CSMD1: variants seen among roughly 807,000 people sequenced by gnomAD.
The protein encoded by CSMD1 is CUB and sushi domain-containing protein 1.
CSMD1 carries 213 observed loss-of-function variants against 417.5 expected under a neutral mutation model. The observed-to-expected ratio is 0.51, with a 90% confidence interval of 0.46 to 0.57. The LOEUF is 0.57. CSMD1 is among the 20% of genes least tolerant of loss of function. The pLI is 0.00. For missense variants in CSMD1, 6,923 were observed against 4,529.7 expected (o/e 1.53, Z -15.17); for synonymous variants, 2,862 against 1,736.8 (o/e 1.65, Z -16.11).
At chr8:4,615,374 C>A (rs948926787) in intron 2 of CSMD1, among the ~76,000 whole-genome samples, 1 of 152,162 alleles carries the variant, frequency 6.6e-6, no homozygotes, top group African/African-American at 2.4e-5. Flanking sequence ...TTCTTCTTAT[C>A]TTAACATATG....
At chr8:4,375,610 A>G (rs1802683831) in intron 3 of CSMD1, among the ~76,000 whole-genome samples, 1 of 152,128 alleles carries the variant, frequency 6.6e-6, no homozygotes, top group African/African-American at 2.4e-5. Flanking sequence ...CTCACTGGCT[A>G]ACAGCCACGT....
At chr8:3,202,697 G>A (rs1229799513) in intron 31 of CSMD1, among the ~76,000 whole-genome samples, 3 of 152,110 alleles carry the variant, frequency 2.0e-5, no homozygotes, top group Non-Finnish European at 4.4e-5. Flanking sequence ...GAATTCCAAC[G>A]GAAACAATTA....
intron 5 of CSMD1, among the ~76,000 whole-genome samples, chr8:3,955,527 A>C (rs2129924820): frequency 6.6e-6 from 1 of 152,294 alleles, no homozygotes; most frequent in Non-Finnish European, 1.5e-5. Context: ...ACCTCTAATA[A>C]GTCAGTAGAG....
At chr8:3,810,907 G>C (rs1255775531) in intron 5 of CSMD1, among the ~76,000 whole-genome samples, 1 of 152,120 alleles carries the variant, frequency 6.6e-6, no homozygotes, top group Non-Finnish European at 1.5e-5. Context: ...GTTGAGAAAA[G>C]TGCTTCCTCA....
At chr8:4,811,032 G>A (rs1798868731) in intron 1 of CSMD1, among the ~76,000 whole-genome samples, 1 of 152,098 alleles carries the variant, frequency 6.6e-6, no homozygotes. Flanking sequence ...CAGTGAAATG[G>A]GCATCACACT....
At chr8:3,553,603 G>A (rs1799013557) in intron 10 of CSMD1, among the ~76,000 whole-genome samples, 1 of 152,266 alleles carries the variant, frequency 6.6e-6, no homozygotes, top group South Asian at 2.1e-4. Context: ...CCATAACTGT[G>A]ATGTCCCTCC....
At chr8:3,179,191 C>T (rs905677960) in intron 37 of CSMD1, among the ~76,000 whole-genome samples, 53 of 151,934 alleles carry the variant, frequency 3.5e-4, no homozygotes, top group South Asian at 1.5e-3. Flanking sequence ...GTGATCTGCC[C>T]GCCTTGGCCT....
At chr8:4,493,070 TA>T (rs1303957729) in intron 2 of CSMD1, among the ~76,000 whole-genome samples, 2 of 152,204 alleles carry the variant, frequency 1.3e-5, no homozygotes, top group Non-Finnish European at 2.9e-5. Flanking sequence ...CTGAGGTTAA[TA>T]CATTTGCTTA....
chr8:4,337,141 C>T lies in CSMD1; in HGVS notation c.415+82812G>A, dbSNP rs76352350. ...GAAGCATTTAAGTGGGATCTTCTGC[C>T]CCCACCTTCATTACTACTCTATCTA... is the stretch of plus-strand genomic sequence containing the variant. On this transcript the variant is annotated intron_variant, in intron 3 of 69. Coordinates refer to ENST00000635120, the MANE Select transcript of CSMD1 (RefSeq NM_033225.6). Among the ~76,000 whole-genome samples, 315 of 152,154 alleles carry T rather than the reference C, an allele frequency of 2.1e-3. 1 individual carries two copies. Among genetic ancestry groups the T allele is most frequent in the African/African-American group, 7.2e-3 (301 of 41,540 alleles).
chr8:3,398,077 G>T (rs527299691), intron 16 of CSMD1, among the ~76,000 whole-genome samples: 10 of 152,258 alleles, frequency 6.6e-5, no homozygotes, highest in African/African-American at 2.4e-4. Context: ...ATGAGATTGG[G>T]AAAAATCAAG....
chr8:3,307,685 A>AAAC lies in CSMD1; in HGVS notation c.3950+7_3950+9dup, dbSNP rs1490246610. 1.6e-5 allele frequency: 26 copies of AAAC among 1,611,264 alleles called. No individual in the cohort carries two copies. The highest frequency in any genetic ancestry group is 2.1e-5 in the Non-Finnish European group (25 of 1,178,734). On this transcript the variant is annotated intron_variant, in intron 25 of 69. Transcript: ENST00000635120. Reference sequence around the variant, plus strand: ...TTCTCAAATCACTGAAACCAAAATAAAACAAGTACCTAATGGTCTTTCCTG... The same window carrying AAAC: ...TTCTCAAATCACTGAAACCAAAATAAAACAACAAGTACCTAATGGTCTTTCCTG...
At chr8:3,956,167 AG>A (rs149842839) in intron 5 of CSMD1, among the ~76,000 whole-genome samples, 17,052 of 152,212 alleles carry the variant, frequency 0.11, 1,035 homozygotes, top group Middle Eastern at 0.18. Flanking sequence ...AGATGCAAAA[AG>A]GTTGTACAAT....
At chr8:3,533,165 C>A (rs1295283233) in intron 10 of CSMD1, among the ~76,000 whole-genome samples, 1 of 152,166 alleles carries the variant, frequency 6.6e-6, no homozygotes, top group Non-Finnish European at 1.5e-5. Context: ...AGATCAAATT[C>A]TGTGCCAAAA....
intron 3 of CSMD1, among the ~76,000 whole-genome samples, chr8:4,129,507 C>A (rs1056001442): frequency 2.0e-5 from 3 of 152,140 alleles, no homozygotes; most frequent in Non-Finnish European, 4.4e-5. Flanking sequence ...GAGTAAATGA[C>A]ATTTTGCCAG....
At chr8:4,529,041 G>A (rs973002205) in intron 2 of CSMD1, among the ~76,000 whole-genome samples, 1 of 152,056 alleles carries the variant, frequency 6.6e-6, no homozygotes, top group African/African-American at 2.4e-5. Flanking sequence ...GTGAGACGGT[G>A]TTTTTTTAAA....
intron 38 of CSMD1, among the ~76,000 whole-genome samples, chr8:3,160,660 T>C (rs1222735248): frequency 6.6e-6 from 1 of 152,242 alleles, no homozygotes. Context: ...GGTTTGTTCT[T>C]ACGAAGGTGG....
At chr8:4,744,168 C>T (rs989133456) in intron 1 of CSMD1, among the ~76,000 whole-genome samples, 7 of 152,180 alleles carry the variant, frequency 4.6e-5, no homozygotes, top group African/African-American at 1.7e-4. Context: ...TAAAGAGCGT[C>T]GCAGTCCAGG....
intron 10 of CSMD1, among the ~76,000 whole-genome samples, chr8:3,517,900 G>A (rs1441137709): frequency 1.3e-5 from 2 of 152,152 alleles, no homozygotes; most frequent in African/African-American, 4.8e-5. Context: ...AAAGAAATGT[G>A]AAGAGTTCGG....
intron 3 of CSMD1, among the ~76,000 whole-genome samples, chr8:4,043,418 C>A (rs777984059): frequency 6.6e-6 from 1 of 152,136 alleles, no homozygotes; most frequent in Non-Finnish European, 1.5e-5. Flanking sequence ...ATGACATGAA[C>A]CTCACACCTG....
Sources: gnomAD v4.1 joint callset for allele counts (sites outside exome capture counted in the v4.1 genomes callset) on GRCh38, gnomAD v4.1.1 for gene constraint, MANE v1.5 for transcripts, NCBI Gene and HGNC (gene_info 2026-07-23, HGNC 2026-07-21) for gene names.